DNAH7: variants seen among roughly 807,000 people sequenced by gnomAD.
DNAH7 encodes the protein axonemal beta dynein heavy chain 7.
Under a neutral mutation model 444.6 loss-of-function variants are expected in DNAH7, and 397 were observed. The ratio of observed to expected loss-of-function variants is 0.89; its 90% CI spans 0.82 to 0.97. The LOEUF (loss-of-function observed/expected upper bound fraction) is 0.97. DNAH7 is among the 50% of genes least tolerant of loss of function. The pLI is 0.00. For missense variants in DNAH7, 4,902 were observed against 4,800.8 expected (o/e 1.02, Z -0.62); for synonymous variants, 1,636 against 1,624.4 (o/e 1.01, Z -0.17).
intron 28 of DNAH7, 38 bp from the exon 29 acceptor site, chr2:195,897,803 T>C: frequency 5.6e-6 from 7 of 1,260,060 alleles, no homozygotes; most frequent in Non-Finnish European, 7.9e-6. Flanking sequence ...GATATCTGCA[T>C]CTCCTAACAG....
At chr2:195,792,442 A>G (rs149832859) in intron 57 of DNAH7, among the ~76,000 whole-genome samples, 217 of 138,478 alleles carry the variant, frequency 1.6e-3, no homozygotes, top group Middle Eastern at 3.8e-3. Flanking sequence ...CACACATTAA[A>G]AAAACAGGGG....
chr2:195,864,772 T>C lies in DNAH7; in HGVS notation c.6883A>G (p.Ile2295Val). 1 of 1,614,238 alleles carries C rather than the reference T, an allele frequency of 6.2e-7. No homozygotes were observed. Among genetic ancestry groups the C allele is most frequent in the Non-Finnish European group, 8.5e-7 (1 of 1,180,042 alleles). The change falls in exon 41 of 65, where the codon ATA becomes GTA. Residue 2295 changes from isoleucine to valine, a missense_variant. Ile to Val is a conservative substitution (Grantham distance 29, BLOSUM62 3). Coordinates refer to ENST00000312428, the MANE Select transcript of DNAH7 (RefSeq NM_018897.3). ...TATTCTTCTAGGTGAATTTCTACTATCATTCGAAGATTATCCACATCTGCG... is the reference window on the plus strand; with the variant it reads ...TATTCTTCTAGGTGAATTTCTACTACCATTCGAAGATTATCCACATCTGCG... The part of the protein sequence containing the change: ...EIADVDNLRM[I>V]VEIHLEEYNN...
intron 19 of DNAH7, among the ~76,000 whole-genome samples, chr2:195,945,033 G>C (rs564627144): frequency 6.6e-6 from 1 of 151,660 alleles, no homozygotes; most frequent in East Asian, 1.9e-4. Context: ...GATACTCCTA[G>C]TGTCCTATTT....
Position 195,809,816 on chromosome 2 carries a change from A to C in DNAH7, c.9817T>G (p.Ser3273Ala). The part of the protein sequence containing the change: ...TYSLYVNVCR[S>A]LFEKDKLLFS... The stretch of plus-strand genomic sequence containing the variant: ...AGCAGCTTATCCTTTTCAAAGAGTG[A>C]CCGGCAGACATTAACATACAGTGAA... The change falls in exon 52 of 65, where the codon TCA becomes GCA. Residue 3273 changes from serine (S) to alanine (A), a missense_variant. By Grantham distance (99) the Ser-to-Ala change is moderately conservative (BLOSUM62 1). Transcript: ENST00000312428. 3 of 1,599,388 alleles carry C rather than the reference A, an allele frequency of 1.9e-6. No homozygotes were observed. Among genetic ancestry groups the C allele is most frequent in the Non-Finnish European group, 2.6e-6 (3 of 1,172,154 alleles).
intron 17 of DNAH7, among the ~76,000 whole-genome samples, chr2:195,962,131 A>G (rs1452811480): frequency 6.6e-6 from 1 of 152,154 alleles, no homozygotes; most frequent in Non-Finnish European, 1.5e-5. Context: ...AGAACTGAAA[A>G]GTGTTCGTTA....
In DNAH7 at chr2:195,984,649, C is replaced by T. The variant is rs777950902; in HGVS notation, c.1816G>A (p.Glu606Lys). The change falls in exon 15 of 65, where the codon GAA (glutamate) becomes AAA (lysine). Residue 606 changes from glutamate to lysine, a missense_variant. Physicochemically the swap from Glu to Lys is moderately conservative, Grantham distance 56. Coordinates refer to ENST00000312428, the MANE Select transcript of DNAH7 (RefSeq NM_018897.3). ...AACAATACCTTCATTTCCATTAGTT[C>T]TGCTGTATTTGGAGGAGTGCTAAGA... The part of the protein sequence containing the change: ...KALSTPPNTA[E>K]LMEMKAYIQK... 3.1e-6 allele frequency: 5 copies of T among 1,613,856 alleles called. No homozygotes were observed. The highest frequency in any genetic ancestry group is 1.1e-5 in the South Asian group (1 of 91,064).
In DNAH7 at chr2:195,923,959, T is replaced by A. The variant is rs1392908121; in HGVS notation, c.3613-152A>T. 5 of 757,276 alleles carry A rather than the reference T, an allele frequency of 6.6e-6. No individual in the cohort carries two copies. The East Asian group carries it at 8.1e-5, about 12-fold the overall frequency. The allele number at this position is 757,276 out of a possible 1,614,324, so 46.9% of individuals were successfully genotyped here. ...TTTAAAAATAATTTGTTTTTCTGACTACAAAGATACTAGGTAAACAAGACC... is the reference window on the plus strand; with the variant it reads ...TTTAAAAATAATTTGTTTTTCTGACAACAAAGATACTAGGTAAACAAGACC... On this transcript the variant is annotated intron_variant, in intron 22 of 64. Coordinates refer to ENST00000312428, the MANE Select transcript of DNAH7 (RefSeq NM_018897.3).
chr2:195,934,472 A>G, intron 21 of DNAH7, 119 bp downstream of exon 21: 2 of 1,076,762 alleles, frequency 1.9e-6, no homozygotes, highest in Non-Finnish European at 1.4e-6. Context: ...ATCACATTTG[A>G]ATTGGTAATT....
In DNAH7 at chr2:195,934,590, C is replaced by T; in HGVS notation, c.3471+1G>A. On this transcript the variant is annotated splice_donor_variant, in intron 21 of 64. Transcript: ENST00000312428. LOFTEE classifies it high-confidence loss of function. ...TAAAAATCATCAGTATAATCAGCTA[C>T]CTTGTGGATGGAGTTAATCATAACT... is the stretch of plus-strand genomic sequence containing the variant. 1.9e-6 allele frequency: 3 copies of T among 1,613,768 alleles called. No homozygotes were observed. Among genetic ancestry groups the T allele is most frequent in the Non-Finnish European group, 2.5e-6 (3 of 1,179,772 alleles).
intron 27 of DNAH7, 42 bp downstream of exon 27, chr2:195,906,617 A>G (rs1176733171): frequency 1.3e-6 from 2 of 1,581,502 alleles, no homozygotes; most frequent in South Asian, 2.3e-5. Context: ...AACTTTGTAA[A>G]TTATAGAGAA....
chr2:195,972,580 T>C, intron 15 of DNAH7, 114 bp from the exon 16 acceptor site: 1 of 746,180 alleles, frequency 1.3e-6, no homozygotes, highest in Non-Finnish European at 2.2e-6. Context: ...TCAACACTTT[T>C]GGTTCAAAAT....
chr2:195,994,477 A>G lies in DNAH7; in HGVS notation c.1353+6227T>C, dbSNP rs965765099. 5 of 514,130 alleles carry G rather than the reference A, an allele frequency of 9.7e-6. No homozygotes were observed. In the African/African-American group the frequency reaches 9.9e-5, roughly 10 times the overall value. The allele number at this position is 514,130 out of a possible 1,614,324, so 31.8% of individuals were successfully genotyped here. The stretch of plus-strand genomic sequence containing the variant: ...GAAAGGTTTGCCATAGAAATTGACC[A>G]ATCGCCATGTCCTGTGTTGGTTGAA... On this transcript the variant is annotated intron_variant, in intron 12 of 64. Coordinates refer to ENST00000312428, the MANE Select transcript of DNAH7 (RefSeq NM_018897.3).
chr2:195,920,528 G>A (rs1368375957), intron 24 of DNAH7, among the ~76,000 whole-genome samples: 1 of 152,186 alleles, frequency 6.6e-6, no homozygotes, highest in Non-Finnish European at 1.5e-5. Context: ...GTAGAAGAAT[G>A]AAACTGGATC....
At chr2:195,965,342 T>G (rs1173898602) in intron 17 of DNAH7, among the ~76,000 whole-genome samples, 1 of 152,224 alleles carries the variant, frequency 6.6e-6, no homozygotes, top group African/African-American at 2.4e-5. Flanking sequence ...GAATGATGTT[T>G]TTAATGCATT....
intron 1 of DNAH7, chr2:196,068,473 A>T: frequency 1.7e-6 from 1 of 577,812 alleles, no homozygotes; most frequent in Non-Finnish European, 2.9e-6. Context: ...CTAGGCGGCT[A>T]GGTTTGGTTG....
chr2:195,991,948 T>C (rs764672287), intron 12 of DNAH7, among the ~76,000 whole-genome samples: 15 of 152,220 alleles, frequency 9.9e-5, no homozygotes, highest in Non-Finnish European at 2.2e-4. Context: ...GGAAAAATCT[T>C]ATGCATGAAG....
intron 15 of DNAH7, among the ~76,000 whole-genome samples, chr2:195,976,747 C>CAGAGAGAGAGAGATAGAG (rs1692216924): frequency 1.1e-5 from 1 of 90,542 alleles, no homozygotes; most frequent in Non-Finnish European, 2.4e-5. Context: ...GAGAGGCAGA[C>CAGAGAGAGAGAGATAGAG]AGAGAGAGAG....
intron 8 of DNAH7, among the ~76,000 whole-genome samples, chr2:196,023,338 G>A (rs114519770): frequency 1.4e-4 from 21 of 152,222 alleles, no homozygotes; most frequent in African/African-American, 5.1e-4. Flanking sequence ...TAAAACCTGA[G>A]CAACTGTGAG....
chr2:196,047,471 CT>C lies in DNAH7; in HGVS notation c.278del (p.Lys93ArgfsTer47). The C allele has an allele frequency of 1.9e-6, 3 of 1,594,866 alleles. No individual in the cohort carries two copies. Among genetic ancestry groups the C allele is most frequent in the Admixed American group, 1.7e-5 (1 of 58,824 alleles). Reference protein sequence around the residue: ...HAEYMERFGKKGKLPHQVDDS... With the variant: ...HAEYMERFGKXGKLPHQVDDS... ...CATCAACTTGGTGGGGTAATTTGCC[CT>C]TTTTTCCAAAACGTTCCATGTATTC... On this transcript the variant is annotated frameshift_variant, in exon 5 of 65. Transcript: ENST00000312428. LOFTEE classifies it high-confidence loss of function.
Sources: allele counts gnomAD v4.1 joint callset (sites outside exome capture counted in the v4.1 genomes callset), GRCh38; gene constraint gnomAD v4.1.1; transcripts MANE v1.5; gene names NCBI Gene and HGNC (gene_info 2026-07-23, HGNC 2026-07-21).